PIK3C2A: variants seen among roughly 807,000 people sequenced by gnomAD.
The protein encoded by PIK3C2A is phosphatidylinositol 4-phosphate 3-kinase C2 domain-containing subunit alpha.
A neutral mutation model predicts 204.5 loss-of-function variants in PIK3C2A; 97 were observed. The ratio of observed to expected loss-of-function variants is 0.47; its 90% confidence interval spans 0.40 to 0.56. The LOEUF is 0.56. PIK3C2A is among the 20% of genes least tolerant of loss of function. The pLI is 0.00. For missense variants in PIK3C2A, 1,735 were observed against 1,969.2 expected, an observed-to-expected ratio of 0.88 and a Z score of 2.25; for synonymous variants, 653 against 664.4, an observed-to-expected ratio of 0.98 and a Z score of 0.26.
chr11:17,148,322 T>C (rs2137429713), intron 5 of PIK3C2A: 1 of 172,656 alleles, frequency 5.8e-6, no homozygotes, highest in Admixed American at 6.1e-5. Context: ...AAAGTAACAG[T>C]GCATGTTGCA....
chr11:17,114,112 T>TAAATAAATAAAA (rs1432960018), intron 20 of PIK3C2A, among the ~76,000 whole-genome samples: 8 of 151,140 alleles, frequency 5.3e-5, no homozygotes, highest in East Asian at 1.9e-4. Context: ...AATAAATAAA[T>TAAATAAATAAAA]AAAAAGGTGA....
At chr11:17,158,215 G>C (rs796217252) in intron 2 of PIK3C2A, among the ~76,000 whole-genome samples, 74 of 151,978 alleles carry the variant, frequency 4.9e-4, no homozygotes, top group African/African-American at 1.7e-3. Context: ...GGGCGTGGTG[G>C]TGCATGCCTG....
chr11:17,109,613 G>T (rs1168316054), intron 22 of PIK3C2A, among the ~76,000 whole-genome samples: 2 of 152,100 alleles, frequency 1.3e-5, no homozygotes, highest in African/African-American at 4.8e-5. Flanking sequence ...ACCTGGGTTG[G>T]AGTGCAGTAG....
chr11:17,196,663 G>A (rs1281948862), intron 1 of PIK3C2A, among the ~76,000 whole-genome samples: 5 of 151,864 alleles, frequency 3.3e-5, no homozygotes, highest in Admixed American at 2.0e-4. Flanking sequence ...TCCGCCTCCC[G>A]GGTTCACGCC....
chr11:17,105,884 G>A (rs1432335637), intron 22 of PIK3C2A, among the ~76,000 whole-genome samples: 2 of 152,258 alleles, frequency 1.3e-5, no homozygotes, highest in Admixed American at 6.5e-5. Flanking sequence ...CGAGGTGGGT[G>A]GATCACTTGA....
rs1325594235 is a variant in PIK3C2A, at chr11:17,118,630, A to C, written c.3035+15T>G. 2 of 1,208,750 alleles carry C rather than the reference A, an allele frequency of 1.7e-6. No homozygotes were observed. The highest frequency in any genetic ancestry group is 2.3e-5 in the East Asian group (1 of 42,648). The allele number at this position is 1,208,750 out of a possible 1,614,324, so 74.9% of individuals were successfully genotyped here. A position where few individuals can be genotyped will look rare whatever the true frequency, so the allele number is the denominator to read the frequency against. ...AGGAATGGAAATACGGTAATCAATAAAATTTAAATCTTACCAATATAAATT... is the reference window on the plus strand; with the variant it reads ...AGGAATGGAAATACGGTAATCAATACAATTTAAATCTTACCAATATAAATT... On this transcript the variant is annotated intron_variant, in intron 18 of 32. Transcript: ENST00000691414.
At position 17,132,029 on chromosome 11, in the gene PIK3C2A, T is replaced by G; in HGVS notation, c.2118A>C (p.Lys706Asn). ...GAGACAGTGAACATATCAAGTAGTA[T>G]TTTTCATAACTGAGAAAAGAAAGTT... ...ISSNWVSNYE[K>N]YYLICSLSHN... is the part of the protein sequence containing the mutation. The change falls in exon 12 of 33, where the codon AAA (lysine) becomes AAC (asparagine). Residue 706 changes from lysine to asparagine, a missense_variant. Physicochemically the swap from Lys to Asn is moderately conservative, Grantham distance 94. Transcript: ENST00000691414. 1 of 1,515,560 alleles carries G rather than the reference T, an allele frequency of 6.6e-7. No individual in the cohort carries two copies. The highest frequency in any genetic ancestry group is 9.0e-7 in the Non-Finnish European group (1 of 1,111,294). 93.9% of individuals were successfully genotyped at this position (1,515,560 alleles called of 1,614,324 possible). A position where few individuals can be genotyped will look rare whatever the true frequency, so the allele number is the denominator to read the frequency against.
At chr11:17,094,426 TA>T (rs780522608) in intron 27 of PIK3C2A, 41 bp from the exon 28 acceptor site, 1 of 1,560,440 alleles carries the variant, frequency 6.4e-7, no homozygotes, top group South Asian at 1.1e-5. Flanking sequence ...AATTTATATT[TA>T]AAACCTTCTT....
chr11:17,122,413 T>C (rs545353943), intron 14 of PIK3C2A, 80 bp from the exon 15 acceptor site: 1 of 866,468 alleles, frequency 1.2e-6, no homozygotes, highest in African/African-American at 1.7e-5. Flanking sequence ...AGAAAACAGA[T>C]TTTTCTTAGC....
At chr11:17,138,608 A>C (rs1405381219) in intron 8 of PIK3C2A, among the ~76,000 whole-genome samples, 1 of 152,082 alleles carries the variant, frequency 6.6e-6, no homozygotes. Flanking sequence ...TGCACCTCCT[A>C]TCGCTGGACC....
At chr11:17,119,764 C>T (rs141909663) in intron 16 of PIK3C2A, 22 bp downstream of exon 16, 4 of 1,438,002 alleles carry the variant, frequency 2.8e-6, no homozygotes, top group Non-Finnish European at 3.7e-6. Context: ...AAAACAAGAG[C>T]AAATAAATGT....
At chr11:17,093,546 G>A (rs1328493446) in intron 28 of PIK3C2A, among the ~76,000 whole-genome samples, 1 of 151,980 alleles carries the variant, frequency 6.6e-6, no homozygotes, top group Non-Finnish European at 1.5e-5. Context: ...TTATAGGTGT[G>A]AGCCACCGCG....
intron 25 of PIK3C2A, among the ~76,000 whole-genome samples, chr11:17,100,381 CTTTT>C (rs914672020): frequency 2.8e-5 from 4 of 144,694 alleles, no homozygotes; most frequent in Admixed American, 7.0e-5. Flanking sequence ...GCCTGGCGAA[CTTTT>C]TTTTTTTTGT....
Position 17,104,673 on chromosome 11 carries a change from C to A in PIK3C2A, c.3681+496G>T, listed in dbSNP as rs185755851. 1.3e-4 allele frequency among the ~76,000 whole-genome samples: 19 copies of A among 141,212 alleles called. No homozygotes were observed. The East Asian group carries it at 3.9e-3, about 29-fold the overall frequency. 92.6% of individuals were successfully genotyped at this position (141,212 alleles called of 152,430 possible). On this transcript the variant is annotated intron_variant, in intron 23 of 32. Coordinates refer to ENST00000691414, the MANE Select transcript of PIK3C2A (RefSeq NM_002645.4). ...CCAGGAGGCGGAGCTTGCAGTGAGC[C>A]GAGATAGCGCCACTGCACTCCAGCC...
chr11:17,094,818 T>C (rs543228095), intron 27 of PIK3C2A, among the ~76,000 whole-genome samples: 36 of 152,346 alleles, frequency 2.4e-4, no homozygotes, highest in African/African-American at 8.2e-4. Flanking sequence ...TTAATTGTTA[T>C]ATGCAGTTCA....
rs760226363 is a variant in PIK3C2A at position 17,169,322 on chromosome 11, T to C, written c.420A>G (p.Gly140=). ...QLYFRPTIQR[G]QWPPGLPGPS... is the part of the protein sequence containing the mutation. ...GCCCAGGTAATCCAGGTGGCCACTG[T>C]CCTCTCTGAATAGTAGGTCTAAAAT... Residue 140 remains glycine, a synonymous_variant, in exon 2 of 33, where the codon GGA becomes GGG. Coordinates refer to ENST00000691414, the MANE Select transcript of PIK3C2A (RefSeq NM_002645.4). The C allele has an allele frequency of 1.1e-5, 17 of 1,614,148 alleles. No individual in the cohort carries two copies. The highest frequency in any genetic ancestry group is 1.4e-5 in the Non-Finnish European group (16 of 1,180,012).
At chr11:17,096,810 G>C (rs1848468954) in intron 27 of PIK3C2A, among the ~76,000 whole-genome samples, 1 of 152,146 alleles carries the variant, frequency 6.6e-6, no homozygotes, top group Non-Finnish European at 1.5e-5. Flanking sequence ...CTTCTCTATT[G>C]ATTAAATTTG....
At chr11:17,111,035 G>A (rs1230536838) in intron 21 of PIK3C2A, among the ~76,000 whole-genome samples, 1 of 151,996 alleles carries the variant, frequency 6.6e-6, no homozygotes, top group Non-Finnish European at 1.5e-5. Flanking sequence ...AGCCTCCTGA[G>A]TAGCTGGGAT....
intron 1 of PIK3C2A, among the ~76,000 whole-genome samples, chr11:17,191,501 C>T (rs574525852): frequency 1.3e-5 from 2 of 152,348 alleles, no homozygotes; most frequent in South Asian, 2.1e-4. Context: ...CTGAGAGTAA[C>T]ACCTCCTGAC....
Sources: allele counts gnomAD v4.1 joint callset (sites outside exome capture counted in the v4.1 genomes callset), GRCh38; gene constraint gnomAD v4.1.1; transcripts MANE v1.5; gene names NCBI Gene and HGNC (gene_info 2026-07-23, HGNC 2026-07-21).